The following ATXN3 variants were observed in gnomAD, a reference collection of about 807,000 sequenced individuals.
The protein encoded by ATXN3 is ataxin-3.
In ATXN3, 28 loss-of-function variants were observed where a neutral mutation model predicts 58.2. The ratio of observed to expected loss-of-function variants is 0.48; its 90% confidence interval spans 0.36 to 0.66. The LOEUF (loss-of-function observed/expected upper bound fraction) is 0.66. ATXN3 is among the 30% of genes least tolerant of loss of function. The probability of loss-of-function intolerance (pLI) is 0.00; values close to 1 mark genes in which losing one functional copy is unlikely to be tolerated. For synonymous variants in ATXN3, 113 were observed against 138.5 expected (o/e 0.82, Z 1.29); for missense variants, 321 against 422.1 (o/e 0.76, Z 2.10).
At chr14:92,095,716 G>C (rs377198910) in intron 3 of ATXN3, among the ~76,000 whole-genome samples, 118 of 151,882 alleles carry the variant, frequency 7.8e-4, no homozygotes, top group African/African-American at 2.7e-3. Context: ...CCAGCACTTT[G>C]GGAGGCTGAG....
chr14:92,053,172 C>T (rs1237108187), upstream of ATXN3, among the ~76,000 whole-genome samples: 1 of 152,112 alleles, frequency 6.6e-6, no homozygotes, highest in African/African-American at 2.4e-5. Flanking sequence ...ATTGCTTGAA[C>T]CTGGGAGGCA....
Position 92,097,098 on chromosome 14 carries a change from G to A in ATXN3, c.25-260C>T, listed in dbSNP as rs186962399. Among the ~76,000 whole-genome samples, 469 of 151,788 alleles carry A rather than the reference G, an allele frequency of 3.1e-3. 1 individual carries two copies. Among genetic ancestry groups the A allele is most frequent in the Non-Finnish European group, 4.7e-3 (321 of 67,920 alleles). ...AAATTTTTGTATTTTTAGTAGAGAC[G>A]GGGTTTCATCCTGTGTTAGCCAGGA... On this transcript the variant is annotated intron_variant, in intron 1 of 10. Transcript: ENST00000644486.
chr14:92,051,246 A>G (rs2057446731), upstream of ATXN3, among the ~76,000 whole-genome samples: 1 of 152,180 alleles, frequency 6.6e-6, no homozygotes. Context: ...TTGTACCAAG[A>G]TTATATTGCC....
chr14:92,097,528 CT>C (rs754237486), intron 1 of ATXN3, among the ~76,000 whole-genome samples: 1,852 of 138,002 alleles, frequency 0.013, 27 homozygotes, highest in African/African-American at 0.037. Context: ...ACCTGGCCAA[CT>C]TTTTTTTTTT....
chr14:92,071,092 A>C, intron 9 of ATXN3, 39 bp from the exon 10 acceptor site: 1 of 1,410,090 alleles, frequency 7.1e-7, no homozygotes. Flanking sequence ...AAAAAACAAA[A>C]CTTAAAAGAA....
At chr14:92,102,597 C>T (rs1445294594) in intron 1 of ATXN3, among the ~76,000 whole-genome samples, 1 of 152,214 alleles carries the variant, frequency 6.6e-6, no homozygotes, top group Non-Finnish European at 1.5e-5. Context: ...CTCACCTCCT[C>T]TTAGTGCTCT....
intron 5 of ATXN3, among the ~76,000 whole-genome samples, chr14:92,091,405 C>G (rs2063755481): frequency 6.6e-6 from 1 of 151,906 alleles, no homozygotes; most frequent in Non-Finnish European, 1.5e-5. Flanking sequence ...GAGCCAAGAT[C>G]CCGCCACTGC....
intron 9 of ATXN3, among the ~76,000 whole-genome samples, chr14:92,073,175 C>G (rs915453858): frequency 6.6e-6 from 1 of 152,162 alleles, no homozygotes; most frequent in Non-Finnish European, 1.5e-5. Context: ...AGAGGAATAG[C>G]CTTTATTCTA....
At chr14:92,096,547 C>A (rs985853416) in intron 2 of ATXN3, 127 bp downstream of exon 2, 1 of 993,542 alleles carries the variant, frequency 1.0e-6, no homozygotes, top group South Asian at 1.6e-5. Context: ...TCGCTTGAAC[C>A]CGGGAGGCAG....
At chr14:92,094,589 T>C (rs2141088266) in intron 3 of ATXN3, among the ~76,000 whole-genome samples, 1 of 152,344 alleles carries the variant, frequency 6.6e-6, no homozygotes, top group African/African-American at 2.4e-5. Flanking sequence ...TCTAGGGTCA[T>C]GGGCTTGCCG....
In ATXN3 at chr14:92,069,359, C is replaced by T. The variant is rs950521698; in HGVS notation, c.991+1576G>A. On this transcript the variant is annotated intron_variant, in intron 10 of 10. Coordinates refer to ENST00000644486, the MANE Select transcript of ATXN3 (RefSeq NM_004993.6). ...GTGCCGGGATAACAGGCGTAAGCCA[C>T]CGTGTCCAGCCCTTTTTTTTTTTTT... Among the ~76,000 whole-genome samples, 5 of 145,930 alleles carry T rather than the reference C, an allele frequency of 3.4e-5. No individual in the cohort carries two copies. In the East Asian group the frequency reaches 8.1e-4, roughly 24 times the overall value.
Position 92,047,726 on chromosome 14 carries a change from C to T in ATXN3, n.276+170G>A, listed in dbSNP as rs570814277. Among the ~76,000 whole-genome samples the T allele has an allele frequency of 4.6e-5, 7 of 152,208 alleles. No homozygotes were observed. The South Asian group carries it at 1.5e-3, about 32-fold the overall frequency. On this transcript the variant is annotated intron_variant and non_coding_transcript_variant, in intron 2 of 2. Coordinates refer to the ATXN3 transcript ENST00000564606. Reference sequence around the variant, plus strand: ...AGGTGGGGATAACTAAAAAAGAGTACATAAAAGAATGTTGTCCAAGTTGGT... The same window carrying T: ...AGGTGGGGATAACTAAAAAAGAGTATATAAAAGAATGTTGTCCAAGTTGGT...
intron 1 of ATXN3, among the ~76,000 whole-genome samples, chr14:92,104,927 A>G (rs1417429689): frequency 6.6e-6 from 1 of 150,690 alleles, no homozygotes; most frequent in Admixed American, 6.6e-5. Flanking sequence ...CATCTCAAAA[A>G]AAAAAAAAAA....
At chr14:92,081,544 C>T (rs777573209) in intron 8 of ATXN3, among the ~76,000 whole-genome samples, 6 of 148,986 alleles carry the variant, frequency 4.0e-5, no homozygotes, top group Non-Finnish European at 7.4e-5. Flanking sequence ...GCTAATCCAG[C>T]AGGACTCTAT....
upstream of ATXN3, among the ~76,000 whole-genome samples, chr14:92,051,440 T>A (rs2057447363): frequency 6.6e-6 from 1 of 152,258 alleles, no homozygotes; most frequent in Middle Eastern, 3.4e-3. Context: ...CCCAGGACTC[T>A]GTTTTCCTGC....
intron 10 of ATXN3, among the ~76,000 whole-genome samples, chr14:92,065,111 CCTAT>C (rs1170604129): frequency 1.3e-5 from 2 of 152,196 alleles, no homozygotes; most frequent in Admixed American, 6.5e-5. Context: ...TTCCCACCCA[CCTAT>C]CTTTTACCCA....
intron 1 of ATXN3, among the ~76,000 whole-genome samples, chr14:92,048,617 G>A (rs2057437218): frequency 1.3e-5 from 2 of 152,208 alleles, no homozygotes; most frequent in South Asian, 4.1e-4. Flanking sequence ...CATTACCCTT[G>A]GCTATGCCTT....
chr14:92,095,700 G>C (rs750298097), intron 3 of ATXN3, among the ~76,000 whole-genome samples: 9 of 150,836 alleles, frequency 6.0e-5, no homozygotes, highest in Admixed American at 6.0e-4. Context: ...GCTCACACCT[G>C]TAATCCCAGC....
At chr14:92,097,434 G>T (rs1312914766) in intron 1 of ATXN3, among the ~76,000 whole-genome samples, 1 of 151,398 alleles carries the variant, frequency 6.6e-6, no homozygotes, top group African/African-American at 2.4e-5. Context: ...CACTCTGTTA[G>T]CCAGGCTGGT....
Sources: gnomAD v4.1 joint callset for allele counts (sites outside exome capture counted in the v4.1 genomes callset) on GRCh38, gnomAD v4.1.1 for gene constraint, MANE v1.5 for transcripts, NCBI Gene and HGNC (gene_info 2026-07-23, HGNC 2026-07-21) for gene names.